CXXC5: variants seen among roughly 807,000 people sequenced by gnomAD.
CXXC5 encodes CXXC finger protein 5, also known as CXXC-type zinc finger protein 5.
Under a neutral mutation model 17.6 loss-of-function variants are expected in CXXC5, and 2 were observed. The ratio of observed to expected loss-of-function variants is 0.11; its 90% CI spans 0.05 to 0.36. CXXC5 has a LOEUF of 0.36. CXXC5 is among the 10% of genes least tolerant of loss of function. The probability of loss-of-function intolerance (pLI) is 1.00; values close to 1 mark genes in which losing one functional copy is unlikely to be tolerated. For synonymous variants in CXXC5, 171 were observed against 193.0 expected, an observed-to-expected ratio of 0.89 and a Z score of 0.94; for missense variants, 343 against 458.3, an observed-to-expected ratio of 0.75 and a Z score of 2.30.
chr5:139,663,858 C>T lies in CXXC5; in HGVS notation c.-161+15013C>T, dbSNP rs183069278. Among the ~76,000 whole-genome samples, 5 of 152,302 alleles carry T rather than the reference C, an allele frequency of 3.3e-5. No individual in the cohort carries two copies. Among genetic ancestry groups the T allele is most frequent in the East Asian group, 3.9e-4 (2 of 5,184 alleles). On this transcript the variant is annotated intron_variant, in intron 1 of 2. Transcript: ENST00000302517. The surrounding 1 kb of genome is among the most constrained non-coding windows in gnomAD (Gnocchi z 4.2). ...GACCTGACGAGGTGGGGGCTGTCAG[C>T]GGCTGCATTTCACTGGCTAGGGGTT... is the stretch of plus-strand genomic sequence containing the variant.
intron 1 of CXXC5, chr5:139,675,289 C>T (rs1249554919): frequency 1.3e-5 from 2 of 152,216 alleles, no homozygotes; most frequent in Non-Finnish European, 2.9e-5. Flanking sequence ...CCAGGATGTC[C>T]CCTCCTTCCC....
At chr5:139,652,935 T>C (rs1319415084) in intron 1 of CXXC5, among the ~76,000 whole-genome samples, 3 of 152,176 alleles carry the variant, frequency 2.0e-5, no homozygotes, top group African/African-American at 4.8e-5. Flanking sequence ...GGAGTGGGCC[T>C]GTCTGTGCTG....
chr5:139,657,931 C>A (rs1413393334), intron 1 of CXXC5, among the ~76,000 whole-genome samples: 1 of 152,176 alleles, frequency 6.6e-6, no homozygotes, highest in South Asian at 2.1e-4. Context: ...GCAAACCCCC[C>A]ACCACCCACT....
intron 1 of CXXC5, among the ~76,000 whole-genome samples, chr5:139,666,166 G>A (rs1756100389): frequency 6.6e-6 from 1 of 152,214 alleles, no homozygotes. Flanking sequence ...TGGAGCAGAG[G>A]TGGGTAGAGC....
intron 1 of CXXC5, among the ~76,000 whole-genome samples, chr5:139,675,902 TGGGGGCTGGCTAGAA>T (rs896920470): frequency 1.3e-5 from 2 of 152,002 alleles, no homozygotes; most frequent in African/African-American, 4.8e-5. Flanking sequence ...ACACAGGTGG[TGGGGGCTGGCTAGAA>T]GGGGGCAGGC....
At position 139,668,402 on chromosome 5, in the gene CXXC5, C is replaced by G. The variant is rs958984858; in HGVS notation, c.-160-11962C>G. On this transcript the variant is annotated intron_variant, in intron 1 of 2. Coordinates refer to ENST00000302517, the MANE Select transcript of CXXC5 (RefSeq NM_016463.9). This position sits in a 1 kb window ranked among gnomAD's most constrained non-coding sequence, Gnocchi z 4.1. ...GGACGTGCCTGCGCGGCTCTGGCGGCCGCGTCTGCCGCCCCGGCGCCCGCC... is the reference window on the plus strand; with the variant it reads ...GGACGTGCCTGCGCGGCTCTGGCGGGCGCGTCTGCCGCCCCGGCGCCCGCC... Among the ~76,000 whole-genome samples, 3 of 151,990 alleles carry G rather than the reference C, an allele frequency of 2.0e-5. No homozygotes were observed. The East Asian group carries it at 5.8e-4, about 29-fold the overall frequency.
In CXXC5 at chr5:139,680,430, TC is replaced by T; in HGVS notation, c.-93del. On this transcript the variant is annotated 5_prime_UTR_variant, in exon 2 of 3. Transcript: ENST00000302517. The stretch of plus-strand genomic sequence containing the variant: ...CCTGAGCAGCGAGGCCCACCAGGCA[TC>T]TCTGTTGTGGGCAGCAGGGCCAGGT... 6.9e-7 allele frequency: 1 copy of T among 1,454,488 alleles called. No homozygotes were observed. 90.1% of individuals were successfully genotyped at this position (1,454,488 alleles called of 1,614,324 possible). A position where few individuals can be genotyped will look rare whatever the true frequency, so the allele number is the denominator to read the frequency against.
chr5:139,681,558 G>A (rs1390840381), intron 2 of CXXC5, 111 bp downstream of exon 2: 4 of 1,335,210 alleles, frequency 3.0e-6, no homozygotes, highest in Non-Finnish European at 4.0e-6. Flanking sequence ...TCTGGGGGAT[G>A]CCCCCTCCCA....
chr5:139,664,804 C>T (rs1437461793), intron 1 of CXXC5, among the ~76,000 whole-genome samples: 1 of 152,192 alleles, frequency 6.6e-6, no homozygotes, highest in Non-Finnish European at 1.5e-5. Flanking sequence ...TTCAGCCTCA[C>T]CTCCACTGTC....
At chr5:139,678,510 A>C (rs1209563325) in intron 1 of CXXC5, among the ~76,000 whole-genome samples, 1 of 152,108 alleles carries the variant, frequency 6.6e-6, no homozygotes, top group Non-Finnish European at 1.5e-5. Context: ...TCTGGTGCCC[A>C]CTGGGGAGGG....
At chr5:139,652,717 G>A (rs1003774668) in intron 1 of CXXC5, among the ~76,000 whole-genome samples, 2 of 152,146 alleles carry the variant, frequency 1.3e-5, no homozygotes, top group Non-Finnish European at 2.9e-5. Flanking sequence ...TAGTGTATGT[G>A]TACATGTGTG....
chr5:139,649,415 G>A (rs187167), intron 1 of CXXC5: 13,905 of 152,186 alleles, frequency 0.091, 758 homozygotes, highest in South Asian at 0.14. Flanking sequence ...ATCAGACCCC[G>A]CTCGCAGCCC....
In CXXC5 at chr5:139,681,021, G is replaced by A. The variant is rs371784240; in HGVS notation, c.498G>A (p.Ala166=). 2.9e-4 allele frequency: 466 copies of A among 1,607,420 alleles called. 3 individuals carry two copies. In the East Asian group the frequency reaches 6.0e-3, roughly 21 times the overall value. ...AEGQLTLQQF[A]QSTEMLKRVV... is the part of the protein sequence containing the mutation. The stretch of plus-strand genomic sequence containing the variant: ...GACAGCTGACGCTGCAGCAGTTTGC[G>A]CAGTCCACAGAGATGCTGAAGCGCG... Residue 166 remains alanine, a synonymous_variant, in exon 2 of 3, where the codon GCG becomes GCA. Coordinates refer to ENST00000302517, the MANE Select transcript of CXXC5 (RefSeq NM_016463.9).
At chr5:139,650,470 C>T (rs1755105411) in intron 1 of CXXC5, among the ~76,000 whole-genome samples, 1 of 152,218 alleles carries the variant, frequency 6.6e-6, no homozygotes, top group Non-Finnish European at 1.5e-5. Context: ...CGGCCCTCGC[C>T]CCCGCCGGAG....
chr5:139,652,499 G>A (rs1755269097), intron 1 of CXXC5, among the ~76,000 whole-genome samples: 1 of 152,162 alleles, frequency 6.6e-6, no homozygotes, highest in Non-Finnish European at 1.5e-5. Flanking sequence ...CAGAGATGAG[G>A]CTGTGTGGGC....
intron 1 of CXXC5, among the ~76,000 whole-genome samples, chr5:139,653,483 T>C (rs1019279813): frequency 2.1e-4 from 32 of 152,272 alleles, no homozygotes; most frequent in East Asian, 5.8e-4. Context: ...TGTGAGAGCA[T>C]GTGTGTCTGG....
chr5:139,674,592 ACC>A (rs1465502344), intron 1 of CXXC5, among the ~76,000 whole-genome samples: 1 of 152,180 alleles, frequency 6.6e-6, no homozygotes, highest in Non-Finnish European at 1.5e-5. Flanking sequence ...CCTTGGTCAA[ACC>A]CTGCCCTTGG....
intron 1 of CXXC5, among the ~76,000 whole-genome samples, chr5:139,671,660 G>T (rs10041290): frequency 6.6e-6 from 1 of 152,218 alleles, no homozygotes; most frequent in African/African-American, 2.4e-5. Context: ...AGCCTGCCCC[G>T]TCTGGCCCAC....
rs1426694771 is a variant in CXXC5, at chr5:139,668,128, C to T, written c.-160-12236C>T. Among the ~76,000 whole-genome samples, 2 of 152,202 alleles carry T rather than the reference C, an allele frequency of 1.3e-5. No individual in the cohort carries two copies. Among genetic ancestry groups the T allele is most frequent in the Non-Finnish European group, 2.9e-5 (2 of 68,014 alleles). On this transcript the variant is annotated intron_variant, in intron 1 of 2. Coordinates refer to ENST00000302517, the MANE Select transcript of CXXC5 (RefSeq NM_016463.9). This position sits in a 1 kb window ranked among gnomAD's most constrained non-coding sequence, Gnocchi z 4.1. ...GGGGCCTGGCCCGAGGCAAAAACCT[C>T]CCCAAATTTCCCCTGCCACTCCCTC...
Sources: allele counts gnomAD v4.1 joint callset (sites outside exome capture counted in the v4.1 genomes callset), GRCh38; gene constraint gnomAD v4.1.1; non-coding constraint Gnocchi (gnomAD v3.1); transcripts MANE v1.5; gene names NCBI Gene and HGNC (gene_info 2026-07-23, HGNC 2026-07-21).